Variants in PSMA1 observed in about 807,000 individuals in gnomAD.
The protein encoded by PSMA1 is proteasome 20S subunit alpha 1, also known as proteasome subunit alpha type-1.
A neutral mutation model predicts 38.4 loss-of-function variants in PSMA1; 3 were observed. The ratio of observed to expected loss-of-function variants is 0.08; its 90% CI spans 0.04 to 0.20. The LOEUF (loss-of-function observed/expected upper bound fraction) is 0.20, where lower values mean the gene tolerates loss of function less well. Ranked by LOEUF, PSMA1 falls within the 10% of genes least tolerant of loss-of-function variation. PSMA1 has a pLI of 1.00. For missense variants in PSMA1, 227 were observed against 325.3 expected (o/e 0.70, Z 2.32); for synonymous variants, 101 against 107.1 (o/e 0.94, Z 0.35).
chr11:14,536,156 A>C (rs186518992), intron 2 of PSMA1, among the ~76,000 whole-genome samples: 1 of 152,318 alleles, frequency 6.6e-6, no homozygotes, highest in East Asian at 1.9e-4. Flanking sequence ...TGATCACCTT[A>C]CTATATACTA....
rs535467704 is a variant in PSMA1 at position 14,526,758 on chromosome 11, C to T, written c.22-7717G>A. On this transcript the variant is annotated intron_variant, in intron 2 of 10. Coordinates refer to the PSMA1 transcript ENST00000418988. ...ATCTCTCTGATGCACCTGACATTCA[C>T]TCCATTTTCCCATGTTTCCTTCTTT... Among the ~76,000 whole-genome samples the T allele has an allele frequency of 2.6e-5, 4 of 152,272 alleles. No individual in the cohort carries two copies. The South Asian group carries it at 6.2e-4, about 24-fold the overall frequency.
rs373273665 is a variant in PSMA1, at chr11:14,546,022, G to T, written c.22-26981C>A. 5.3e-5 allele frequency among the ~76,000 whole-genome samples: 8 copies of T among 152,188 alleles called. No individual in the cohort carries two copies. In the East Asian group the frequency reaches 9.7e-4, roughly 18 times the overall value. On this transcript the variant is annotated intron_variant, in intron 2 of 10. Transcript: ENST00000418988. ...TGAATTCTGTCTCTAGACTCCTTTGGGGGGGTCCATCAAGCTCAAGTTAAA... is the reference window on the plus strand; with the variant it reads ...TGAATTCTGTCTCTAGACTCCTTTGTGGGGGTCCATCAAGCTCAAGTTAAA...
At chr11:14,599,545 G>A (rs918694481) in intron 2 of PSMA1, among the ~76,000 whole-genome samples, 2 of 152,134 alleles carry the variant, frequency 1.3e-5, no homozygotes, top group African/African-American at 4.8e-5. Context: ...ATTGAAGCTT[G>A]TGCATGCATC....
At chr11:14,522,253 TATA>T (rs1012440472), upstream of PSMA1, among the ~76,000 whole-genome samples, 8 of 152,222 alleles carry the variant, frequency 5.3e-5, no homozygotes, top group Admixed American at 4.6e-4. Context: ...TGTATGGAAA[TATA>T]ATAATTTGCT....
chr11:14,598,880 C>A (rs1262599118), intron 2 of PSMA1, among the ~76,000 whole-genome samples: 5 of 151,786 alleles, frequency 3.3e-5, no homozygotes, highest in African/African-American at 9.7e-5. Flanking sequence ...TGGCTGGTAC[C>A]GGTTGTTCCT....
chr11:14,587,670 G>T (rs1018260615), intron 2 of PSMA1, among the ~76,000 whole-genome samples: 7 of 151,734 alleles, frequency 4.6e-5, no homozygotes, highest in Non-Finnish European at 1.0e-4. Flanking sequence ...AAACTGGAGG[G>T]ACCTAAGTTT....
upstream of PSMA1, among the ~76,000 whole-genome samples, chr11:14,522,717 T>C (rs998196593): frequency 3.9e-5 from 6 of 152,200 alleles, no homozygotes; most frequent in Non-Finnish European, 8.8e-5. Flanking sequence ...TTAATCATTT[T>C]CTTACTGACT....
chr11:14,546,636 C>G (rs1851830819), intron 2 of PSMA1, among the ~76,000 whole-genome samples: 1 of 152,076 alleles, frequency 6.6e-6, no homozygotes, highest in Non-Finnish European at 1.5e-5. Context: ...CAGGGTTTCA[C>G]CATGTTGGCC....
At chr11:14,585,969 A>C (rs1852341015) in intron 2 of PSMA1, among the ~76,000 whole-genome samples, 1 of 152,126 alleles carries the variant, frequency 6.6e-6, no homozygotes, top group Non-Finnish European at 1.5e-5. Context: ...TATTGAGAAA[A>C]TTTTCAAACA....
At chr11:14,638,533 CTCTCTCTCTCTCTATATATA>C (rs1373586629) in intron 1 of PSMA1, among the ~76,000 whole-genome samples, 28 of 28,964 alleles carry the variant, frequency 9.7e-4, no homozygotes, top group Non-Finnish European at 1.5e-3. Context: ...CTCTCTCTCT[CTCTCTCTCTCTCTATATATA>C]TATATATATA....
At chr11:14,585,127 G>T (rs1022386637) in intron 2 of PSMA1, among the ~76,000 whole-genome samples, 1 of 152,096 alleles carries the variant, frequency 6.6e-6, no homozygotes, top group Non-Finnish European at 1.5e-5. Context: ...TGCTTCTTTG[G>T]AATTGTCAAA....
chr11:14,520,487 C>A (rs906474612), upstream of PSMA1: 3 of 1,453,588 alleles, frequency 2.1e-6, no homozygotes, highest in Admixed American at 5.1e-5. Flanking sequence ...ACTTTCCGAC[C>A]GCTCGGCGGC....
At chr11:14,610,801 T>G (rs750295976) in intron 2 of PSMA1, 6 of 637,958 alleles carry the variant, frequency 9.4e-6, no homozygotes, top group Non-Finnish European at 1.6e-5. Flanking sequence ...TCTTCTTTCC[T>G]TTGCTTTCTT....
rs1852890713 is a variant in PSMA1 at position 14,624,708 on chromosome 11, T to C, written c.-165-13557A>G. Reference sequence around the variant, plus strand: ...AACCCTGATCATTGGGAGAAGGTAGTGCTGCTTATAGACAATAAGGATAGG... The same window carrying C: ...AACCCTGATCATTGGGAGAAGGTAGCGCTGCTTATAGACAATAAGGATAGG... On this transcript the variant is annotated intron_variant, in intron 1 of 10. Transcript: ENST00000418988. Among the ~76,000 whole-genome samples the C allele has an allele frequency of 2.0e-5, 3 of 152,282 alleles. No homozygotes were observed. In the South Asian group the frequency reaches 6.2e-4, roughly 32 times the overall value.
At chr11:14,613,970 C>G (rs1160388552) in intron 1 of PSMA1, among the ~76,000 whole-genome samples, 1 of 152,180 alleles carries the variant, frequency 6.6e-6, no homozygotes, top group Non-Finnish European at 1.5e-5. Flanking sequence ...ATCCATTCAT[C>G]CAGTAAATAT....
At chr11:14,518,896 T>C in intron 2 of PSMA1, 101 bp downstream of exon 2, 1 of 956,162 alleles carries the variant, frequency 1.0e-6, no homozygotes, top group Non-Finnish European at 1.6e-6. Context: ...TCTAAAATAA[T>C]TATATTCCAT....
intron 2 of PSMA1, among the ~76,000 whole-genome samples, chr11:14,529,617 C>T (rs1350443311): frequency 6.6e-6 from 1 of 152,204 alleles, no homozygotes; most frequent in Non-Finnish European, 1.5e-5. Flanking sequence ...AGGGCTGGTA[C>T]TCTTTGAGCT....
chr11:14,590,383 T>TTTTG (rs549825896), intron 2 of PSMA1, among the ~76,000 whole-genome samples: 1 of 152,230 alleles, frequency 6.6e-6, no homozygotes. Flanking sequence ...ACAGGGTTTT[T>TTTTG]TTTGTTTGTT....
chr11:14,616,012 C>A (rs923973249), intron 1 of PSMA1, among the ~76,000 whole-genome samples: 3 of 152,156 alleles, frequency 2.0e-5, no homozygotes, highest in African/African-American at 7.2e-5. Context: ...GAGCTGCCTG[C>A]CTGCCTTACC....
Sources: gnomAD v4.1 joint callset for allele counts (sites outside exome capture counted in the v4.1 genomes callset) on GRCh38, gnomAD v4.1.1 for gene constraint, MANE v1.5 for transcripts, NCBI Gene and HGNC (gene_info 2026-07-23, HGNC 2026-07-21) for gene names.